Variants in RUVBL1 observed in about 807,000 individuals in gnomAD.
RUVBL1 encodes the protein ruvB-like 1.
RUVBL1 carries 4 observed loss-of-function variants against 52.4 expected under a neutral mutation model. The observed-to-expected ratio is 0.08, with a 90% CI of 0.04 to 0.17. The LOEUF (loss-of-function observed/expected upper bound fraction) is 0.17. Among genes scored for constraint, RUVBL1 ranks in the 10% least tolerant of loss-of-function variants. RUVBL1 has a pLI of 1.00. For missense variants in RUVBL1, 298 were observed against 572.8 expected, an observed-to-expected ratio of 0.52 and a Z score of 4.90; for synonymous variants, 217 against 214.4, an observed-to-expected ratio of 1.01 and a Z score of -0.10.
chr3:128,104,587 C>G (rs563621676), intron 4 of RUVBL1, among the ~76,000 whole-genome samples, 186 bp downstream of exon 4: 11 of 152,294 alleles, frequency 7.2e-5, no homozygotes, highest in Admixed American at 6.5e-4. Context: ...TCCTTGAGTC[C>G]TCCTATGTGC....
At chr3:128,089,337 AG>A (rs1416213964) in intron 8 of RUVBL1, among the ~76,000 whole-genome samples, 1 of 152,210 alleles carries the variant, frequency 6.6e-6, no homozygotes, top group African/African-American at 2.4e-5. Context: ...TAGTGTTTGG[AG>A]GGCCCAAGTG....
Position 128,081,464 on chromosome 3 carries a change from C to T in RUVBL1, c.1212-55G>A. The T allele has an allele frequency of 6.4e-7, 1 of 1,560,608 alleles. No homozygotes were observed. Among genetic ancestry groups the T allele is most frequent in the East Asian group, 2.3e-5 (1 of 44,202 alleles). On this transcript the variant is annotated intron_variant, in intron 10 of 10. Transcript: ENST00000322623. The surrounding 1 kb of genome is among the most constrained non-coding windows in gnomAD (Gnocchi z 4.8). ...GAAACTGGGGCCACCGAAGAAAGCA[C>T]CTTCCCCCCACATCAGTAGGCAGCA...
chr3:128,101,676 G>GTAATACATA, intron 4 of RUVBL1, 28 bp from the exon 5 acceptor site: 1 of 1,599,118 alleles, frequency 6.3e-7, no homozygotes, highest in Non-Finnish European at 8.6e-7. Flanking sequence ...AATCAGAAGT[G>GTAATACATA]TAATACATAT....
chr3:128,084,647 G>C (rs1241122753), intron 9 of RUVBL1: 1 of 152,180 alleles, frequency 6.6e-6, no homozygotes, highest in African/African-American at 2.4e-5. Context: ...GAAAGCGTCT[G>C]TCTCAGGCTG....
At chr3:128,140,232 G>GT (rs60288042) in intron 1 of RUVBL1, among the ~76,000 whole-genome samples, 58,024 of 116,812 alleles carry the variant, frequency 0.5, 15,836 homozygotes, top group Non-Finnish European at 0.61. Context: ...TTGTTTGTTT[G>GT]TTTTTTTTTT....
rs115053531 is a variant in RUVBL1, at chr3:128,129,108, G to A, written c.-39-9694C>T. 4.6e-3 allele frequency among the ~76,000 whole-genome samples: 697 copies of A among 152,214 alleles called. 4 individuals carry two copies. The highest frequency in any genetic ancestry group is 0.015 in the African/African-American group (615 of 41,518). ...CTTTCCCTTCCCAGGCTTCAGCCCA[G>A]TGCAATGTAGCTTTTACTCTTGCTG... On this transcript the variant is annotated intron_variant, in intron 1 of 9. Transcript: ENST00000464873.
chr3:128,119,545 C>T, intron 1 of RUVBL1, 131 bp from the exon 2 acceptor site: 2 of 665,592 alleles, frequency 3.0e-6, no homozygotes, highest in East Asian at 5.8e-5. Flanking sequence ...ACTGCAGTCA[C>T]TGTTCTAGGT....
At chr3:128,136,470 AC>A (rs1026056234) in intron 1 of RUVBL1, among the ~76,000 whole-genome samples, 1 of 152,010 alleles carries the variant, frequency 6.6e-6, no homozygotes, top group Non-Finnish European at 1.5e-5. Flanking sequence ...TACAAAAAAT[AC>A]AAAAATTTGC....
In RUVBL1 at chr3:128,123,657, C is replaced by G. The variant is rs1299585438; in HGVS notation, c.68G>C (p.Gly23Ala). 1 of 1,612,398 alleles carries G rather than the reference C, an allele frequency of 6.2e-7. No individual in the cohort carries two copies. The highest frequency in any genetic ancestry group is 1.3e-5 in the African/African-American group (1 of 74,918). ...QRIASHSHVK[G>A]LGLDESGLAK... ...CAAGCCGCTCTCGTCCAGCCCCAGCCCTTTCACGTGGCTGTGGGAGGCGAT... is the reference window on the plus strand; with the variant it reads ...CAAGCCGCTCTCGTCCAGCCCCAGCGCTTTCACGTGGCTGTGGGAGGCGAT... The change falls in exon 1 of 11, where the codon GGG becomes GCG. Residue 23 changes from glycine (G) to alanine (A), a missense_variant. Physicochemically the swap from Gly to Ala is moderately conservative, Grantham distance 60 (BLOSUM62 0). Coordinates refer to ENST00000322623, the MANE Select transcript of RUVBL1 (RefSeq NM_003707.3).
intron 9 of RUVBL1, among the ~76,000 whole-genome samples, chr3:128,085,846 T>G (rs895828343): frequency 2.0e-5 from 3 of 152,046 alleles, no homozygotes; most frequent in Non-Finnish European, 2.9e-5. Context: ...CTAATGACAA[T>G]GAGATGAGAG....
intron 1 of RUVBL1, among the ~76,000 whole-genome samples, chr3:128,139,344 T>C (rs1482327534): frequency 2.0e-5 from 3 of 152,026 alleles, no homozygotes. Context: ...AACAACTCAA[T>C]AGGAAAAAAT....
At position 128,067,997 on chromosome 3, in the gene RUVBL1, G is replaced by T. The variant is rs1248408105; in HGVS notation, c.940-2777C>A. 1.2e-6 allele frequency: 2 copies of T among 1,613,980 alleles called. No homozygotes were observed. Among genetic ancestry groups the T allele is most frequent in the East Asian group, 2.2e-5 (1 of 44,880 alleles). On this transcript the variant is annotated intron_variant, in intron 9 of 9. Transcript: ENST00000464873. The surrounding 1 kb of genome is among the most constrained non-coding windows in gnomAD (Gnocchi z 4.1). ...GCACCCTGCAGGTTGCAAAGCAGCTGAAGGAGCAGCAGATGGTGATGAGAG... is the reference window on the plus strand; with the variant it reads ...GCACCCTGCAGGTTGCAAAGCAGCTTAAGGAGCAGCAGATGGTGATGAGAG...
In RUVBL1 at chr3:128,096,827, CA is replaced by C. The variant is rs141543448; in HGVS notation, c.1016+472del. Among the ~76,000 whole-genome samples the C allele has an allele frequency of 2.8e-3, 383 of 138,902 alleles. 3 individuals are homozygous for C. The highest frequency in any genetic ancestry group is 0.022 in the East Asian group (104 of 4,766). 91.1% of individuals were successfully genotyped at this position (138,902 alleles called of 152,430 possible). A position where few individuals can be genotyped will look rare whatever the true frequency, so the allele number is the denominator to read the frequency against. On this transcript the variant is annotated intron_variant, in intron 8 of 10. Transcript: ENST00000322623. ...GGGCGACACAGTGAGACTCTGTCCC[CA>C]AAAAAAAAAAGAAAGAAAATGCTGG...
At chr3:128,137,215 T>A (rs6810006) in intron 1 of RUVBL1, among the ~76,000 whole-genome samples, 24,368 of 151,866 alleles carry the variant, frequency 0.16, 2,405 homozygotes, top group African/African-American at 0.28. Context: ...CAGAGCAGAA[T>A]TAAATAAAAT....
exon 1 of RUVBL1, chr3:128,153,375 C>T: frequency 7.2e-7 from 1 of 1,388,912 alleles, no homozygotes; most frequent in Non-Finnish European, 9.3e-7. Context: ...CTCAGGAGGG[C>T]GGAAGCTTCC....
At chr3:128,065,268 C>T (rs1372444758) in intron 9 of RUVBL1, 1 of 622,188 alleles carries the variant, frequency 1.6e-6, no homozygotes, top group East Asian at 2.7e-5. Flanking sequence ...TAAGTGAAAT[C>T]ATGTTCTTCT....
intron 1 of RUVBL1, among the ~76,000 whole-genome samples, chr3:128,143,600 C>T (rs1944063325): frequency 6.6e-6 from 1 of 152,212 alleles, no homozygotes; most frequent in African/African-American, 2.4e-5. Flanking sequence ...CTCCTGAGGT[C>T]CCATCATAGC....
At chr3:128,141,694 C>T (rs1559837261) in intron 1 of RUVBL1, among the ~76,000 whole-genome samples, 1 of 152,152 alleles carries the variant, frequency 6.6e-6, no homozygotes, top group Non-Finnish European at 1.5e-5. Context: ...CGGGGTTTCA[C>T]CATATTGGTC....
rs1943718289 is a variant in RUVBL1, at chr3:128,123,781, C to G, written c.-57G>C. The stretch of plus-strand genomic sequence containing the variant: ...GAAAACCAGCAGCTAGGACAGTGCG[C>G]CCGGCGCCTGAGTTACCATGCGGCC... On this transcript the variant is annotated 5_prime_UTR_variant, in exon 1 of 11. Coordinates refer to ENST00000322623, the MANE Select transcript of RUVBL1 (RefSeq NM_003707.3). The G allele has an allele frequency of 6.6e-7, 1 of 1,526,662 alleles. No individual in the cohort carries two copies. Among genetic ancestry groups the G allele is most frequent in the Non-Finnish European group, 8.9e-7 (1 of 1,128,356 alleles). The allele number at this position is 1,526,662 out of a possible 1,614,324, so 94.6% of individuals were successfully genotyped here. A position where few individuals can be genotyped will look rare whatever the true frequency, so the allele number is the denominator to read the frequency against.
Sources: allele counts gnomAD v4.1 joint callset (sites outside exome capture counted in the v4.1 genomes callset), GRCh38; gene constraint gnomAD v4.1.1; non-coding constraint Gnocchi (gnomAD v3.1); transcripts MANE v1.5; gene names NCBI Gene and HGNC (gene_info 2026-07-23, HGNC 2026-07-21).